The following SFMBT2 variants were observed in gnomAD, a reference collection of about 807,000 sequenced individuals.
The protein encoded by SFMBT2 is Scm like with four mbt domains 2.
A neutral mutation model predicts 110.1 loss-of-function variants in SFMBT2; 38 were observed. The observed-to-expected ratio is 0.35, with a 90% CI of 0.27 to 0.45. The LOEUF is 0.45. Ranked by LOEUF, SFMBT2 falls within the 20% of genes least tolerant of loss-of-function variation. The pLI, the probability that SFMBT2 is intolerant of heterozygous loss-of-function variation, is 1.00. For missense variants in SFMBT2, 1,011 were observed against 1,094.9 expected, an observed-to-expected ratio of 0.92 and a Z score of 1.08; for synonymous variants, 425 against 425.4, an observed-to-expected ratio of 1.00 and a Z score of 0.01.
chr10:7,332,441 T>A (rs1452015834), intron 4 of SFMBT2, among the ~76,000 whole-genome samples: 2 of 152,222 alleles, frequency 1.3e-5, no homozygotes, highest in Non-Finnish European at 2.9e-5. Context: ...TCTTTAATAG[T>A]TTGCCTTAAC....
intron 4 of SFMBT2, among the ~76,000 whole-genome samples, chr10:7,333,145 G>C (rs1338062838): frequency 1.3e-5 from 2 of 152,184 alleles, no homozygotes; most frequent in South Asian, 4.1e-4. Context: ...GGGATTATAG[G>C]TGTGAGCCAC....
chr10:7,232,693 G>A (rs1448540392), intron 9 of SFMBT2, among the ~76,000 whole-genome samples: 1 of 151,958 alleles, frequency 6.6e-6, no homozygotes, highest in African/African-American at 2.4e-5. Flanking sequence ...TTGGGTGGTG[G>A]GACTCTTGGC....
intron 7 of SFMBT2, among the ~76,000 whole-genome samples, chr10:7,251,170 T>TAA (rs34202336): frequency 4.8e-4 from 70 of 147,024 alleles, no homozygotes; most frequent in East Asian, 1.4e-3. Flanking sequence ...AATTAAACAT[T>TAA]AAAAAAAAAA....
chr10:7,286,045 C>A lies in SFMBT2; in HGVS notation c.437-91G>T. ...GTATCCAATCAACTTAAAATCACAG[C>A]AGTTTTCTCCATGTAGGTTTGATTT... On this transcript the variant is annotated intron_variant, in intron 4 of 20. Transcript: ENST00000397167. 3 of 711,452 alleles carry A rather than the reference C, an allele frequency of 4.2e-6. No homozygotes were observed. The South Asian group carries it at 4.8e-5, about 11-fold the overall frequency. The allele number at this position is 711,452 out of a possible 1,614,324, so 44.1% of individuals were successfully genotyped here. A position where few individuals can be genotyped will look rare whatever the true frequency, so the allele number is the denominator to read the frequency against.
At chr10:7,411,067 T>TTC (rs1173463814), upstream of SFMBT2, among the ~76,000 whole-genome samples, 1 of 94,478 alleles carries the variant, frequency 1.1e-5, no homozygotes, top group Non-Finnish European at 2.1e-5. Context: ...TCGGCGCTCT[T>TTC]TTTTTTTTTT....
At position 7,189,276 on chromosome 10, in the gene SFMBT2, AAT is replaced by A. The variant is rs151079143; in HGVS notation, c.1699-545_1699-544del. The A allele has an allele frequency of 1.9e-3, 1,211 of 652,988 alleles. 9 individuals carry two copies. In the African/African-American group the frequency reaches 0.022, roughly 12 times the overall value. The allele number at this position is 652,988 out of a possible 1,614,324, so 40.4% of individuals were successfully genotyped here. On this transcript the variant is annotated intron_variant, in intron 15 of 20. Coordinates refer to ENST00000397167, the MANE Select transcript of SFMBT2 (RefSeq NM_001387889.1). ...TACTAGGGCAACCCTCTGAAATGTG[AAT>A]ATTTTAAAAGAGAGTCTGGAATATC...
intron 9 of SFMBT2, among the ~76,000 whole-genome samples, chr10:7,239,697 A>G (rs1840372752): frequency 6.6e-6 from 1 of 152,214 alleles, no homozygotes; most frequent in Admixed American, 6.5e-5. Flanking sequence ...CTGCTTTGAT[A>G]TATTGACCAT....
chr10:7,226,495 A>T (rs1839899395), intron 10 of SFMBT2, among the ~76,000 whole-genome samples: 1 of 152,262 alleles, frequency 6.6e-6, no homozygotes, highest in South Asian at 2.1e-4. Flanking sequence ...CTCCAGGAAG[A>T]CATGCTCAGC....
At chr10:7,311,045 C>CAAAAAA (rs201310544) in intron 4 of SFMBT2, among the ~76,000 whole-genome samples, 19 of 96,910 alleles carry the variant, frequency 2.0e-4, no homozygotes, top group African/African-American at 3.5e-4. Context: ...AACTCCATCT[C>CAAAAAA]AAAAAAAAAA....
chr10:7,209,551 C>T (rs903797602), intron 11 of SFMBT2, among the ~76,000 whole-genome samples: 1 of 152,254 alleles, frequency 6.6e-6, no homozygotes, highest in African/African-American at 2.4e-5. Context: ...AAAAAAGAAT[C>T]AGACACCTCT....
chr10:7,328,706 T>C (rs1843469622), intron 4 of SFMBT2, among the ~76,000 whole-genome samples: 2 of 152,256 alleles, frequency 1.3e-5, no homozygotes, highest in Admixed American at 1.3e-4. Context: ...TTTGATAAAG[T>C]AAGTGCTGAA....
Position 7,308,586 on chromosome 10 carries a change from G to C in SFMBT2, c.437-22632C>G, listed in dbSNP as rs1373122003. On this transcript the variant is annotated intron_variant, in intron 4 of 20. Transcript: ENST00000397167. Reference sequence around the variant, plus strand: ...GGGGACATAAAACTTCCAAGAAAAAGCACATGACCCAAGGTCACCAACAGA... The same window carrying C: ...GGGGACATAAAACTTCCAAGAAAAACCACATGACCCAAGGTCACCAACAGA... Among the ~76,000 whole-genome samples the C allele has an allele frequency of 2.0e-5, 3 of 152,130 alleles. No individual in the cohort carries two copies. In the East Asian group the frequency reaches 5.8e-4, roughly 29 times the overall value.
At chr10:7,397,372 T>C (rs1047042998) in intron 1 of SFMBT2, among the ~76,000 whole-genome samples, 1 of 151,224 alleles carries the variant, frequency 6.6e-6, no homozygotes, top group African/African-American at 2.4e-5. Flanking sequence ...TTGTTGTTTT[T>C]TTGTTTTTTT....
chr10:7,396,010 G>A (rs777346447), intron 1 of SFMBT2, among the ~76,000 whole-genome samples: 1 of 152,166 alleles, frequency 6.6e-6, no homozygotes, highest in Non-Finnish European at 1.5e-5. Flanking sequence ...TAAGGCAGGA[G>A]GATCAGCTGA....
chr10:7,202,788 G>A, intron 12 of SFMBT2: 12 of 985,048 alleles, frequency 1.2e-5, no homozygotes, highest in Non-Finnish European at 1.4e-5. Flanking sequence ...GTGCATTTAA[G>A]AAAGCAAAAG....
At chr10:7,385,867 GT>G (rs1192644714) in intron 1 of SFMBT2, among the ~76,000 whole-genome samples, 1 of 152,154 alleles carries the variant, frequency 6.6e-6, no homozygotes, top group East Asian at 1.9e-4. Flanking sequence ...AGGCGTGGTG[GT>G]GGGCACCTGT....
intron 10 of SFMBT2, among the ~76,000 whole-genome samples, chr10:7,224,496 C>T (rs895530676): frequency 2.6e-5 from 4 of 152,170 alleles, no homozygotes; most frequent in African/African-American, 7.2e-5. Flanking sequence ...TTATATCACT[C>T]TCCCACATGT....
Position 7,326,210 on chromosome 10 carries a change from T to C in SFMBT2, c.437-40256A>G, listed in dbSNP as rs1029555156. ...TATTCTTGAAAAATTCAGACTATTT[T>C]AAAACTATACAAACCATATATAAAC... is the stretch of plus-strand genomic sequence containing the variant. On this transcript the variant is annotated intron_variant, in intron 4 of 20. Transcript: ENST00000397167. Among the ~76,000 whole-genome samples the C allele has an allele frequency of 9.2e-5, 14 of 152,342 alleles. No homozygotes were observed. In the East Asian group the frequency reaches 2.7e-3, roughly 29 times the overall value.
chr10:7,325,706 T>C (rs1168433212), intron 4 of SFMBT2, among the ~76,000 whole-genome samples: 1 of 152,222 alleles, frequency 6.6e-6, no homozygotes, highest in Non-Finnish European at 1.5e-5. Flanking sequence ...TCAAATCTTT[T>C]ATCTACTTAA....
Sources: gnomAD v4.1 joint callset for allele counts (sites outside exome capture counted in the v4.1 genomes callset) on GRCh38, gnomAD v4.1.1 for gene constraint, MANE v1.5 for transcripts, NCBI Gene and HGNC (gene_info 2026-07-23, HGNC 2026-07-21) for gene names.